MAP2: variants seen among roughly 807,000 people sequenced by gnomAD.
MAP2 encodes the protein microtubule associated protein 2.
Under a neutral mutation model 137.6 loss-of-function variants are expected in MAP2, and 14 were observed. The ratio of observed to expected loss-of-function variants is 0.10; its 90% CI spans 0.07 to 0.16. MAP2 has a LOEUF of 0.16. Among genes scored for constraint, MAP2 ranks in the 10% least tolerant of loss-of-function variants. MAP2 has a pLI of 1.00. For missense variants in MAP2, 2,088 were observed against 2,191.5 expected (o/e 0.95, Z 0.94); for synonymous variants, 786 against 782.3 (o/e 1.00, Z -0.08).
chr2:209,714,978 A>G (rs1042963247), intron 13 of MAP2, among the ~76,000 whole-genome samples: 1 of 152,198 alleles, frequency 6.6e-6, no homozygotes, highest in African/African-American at 2.4e-5. Context: ...TTTCCATGCC[A>G]AAGTTTTTTT....
At chr2:209,467,986 G>A (rs961187003) in intron 1 of MAP2, among the ~76,000 whole-genome samples, 1 of 152,208 alleles carries the variant, frequency 6.6e-6, no homozygotes, top group African/African-American at 2.4e-5. Flanking sequence ...GCAGCAACTG[G>A]TTTATACTTA....
At chr2:209,528,199 C>T (rs569496509) in intron 2 of MAP2, among the ~76,000 whole-genome samples, 1 of 152,100 alleles carries the variant, frequency 6.6e-6, no homozygotes, top group East Asian at 1.9e-4. Context: ...CCTTCATCCC[C>T]CCAAACTTCC....
chr2:209,428,351 G>T lies in MAP2; in HGVS notation c.-222+4075G>T, dbSNP rs1327295898. 3.4e-5 allele frequency among the ~76,000 whole-genome samples: 5 copies of T among 147,342 alleles called. No homozygotes were observed. In the South Asian group the frequency reaches 6.4e-4, roughly 19 times the overall value. On this transcript the variant is annotated intron_variant, in intron 1 of 15. Coordinates refer to ENST00000682079, the MANE Select transcript of MAP2 (RefSeq NM_001375505.1). ...GAAAGTTTTAGACAGTTTGTTTTCC[G>T]TTAAAACACACACTAGAGGGGGCAA...
intron 5 of MAP2, among the ~76,000 whole-genome samples, chr2:209,677,916 T>G (rs2052689595): frequency 6.6e-6 from 1 of 152,010 alleles, no homozygotes; most frequent in Admixed American, 6.6e-5. Flanking sequence ...TCCAGATTCC[T>G]TATAATTTAT....
chr2:209,555,282 T>C (rs962034965), intron 2 of MAP2, among the ~76,000 whole-genome samples: 3 of 152,346 alleles, frequency 2.0e-5, no homozygotes, highest in East Asian at 3.9e-4. Flanking sequence ...AAGGATTTAT[T>C]ACACTTAAAA....
intron 1 of MAP2, among the ~76,000 whole-genome samples, chr2:209,429,401 C>T (rs921877574): frequency 2.0e-5 from 3 of 150,480 alleles, no homozygotes; most frequent in African/African-American, 7.4e-5. Flanking sequence ...TTTTTAACAA[C>T]TAGTAAAGTT....
chr2:209,498,575 C>T (rs2150084256), intron 1 of MAP2, among the ~76,000 whole-genome samples: 1 of 152,368 alleles, frequency 6.6e-6, no homozygotes, highest in African/African-American at 2.4e-5. Context: ...CAGGCTTCTG[C>T]CTGGGCATCC....
At chr2:209,648,855 G>C (rs574144310) in intron 4 of MAP2, among the ~76,000 whole-genome samples, 2 of 151,606 alleles carry the variant, frequency 1.3e-5, no homozygotes, top group South Asian at 4.2e-4. Context: ...ATCAAAGCTG[G>C]GATTGTGTGG....
intron 3 of MAP2, among the ~76,000 whole-genome samples, chr2:209,587,492 CAG>C (rs994996682): frequency 1.3e-5 from 2 of 152,048 alleles, no homozygotes; most frequent in African/African-American, 4.8e-5. Context: ...TGTAGACAAT[CAG>C]AGTGTTCAGA....
At chr2:209,603,668 C>T (rs1017948877) in intron 3 of MAP2, among the ~76,000 whole-genome samples, 2 of 152,230 alleles carry the variant, frequency 1.3e-5, no homozygotes, top group African/African-American at 2.4e-5. Flanking sequence ...TTTATACCCG[C>T]CTTTCTTGAC....
At chr2:209,510,483 T>G (rs1186048167) in intron 2 of MAP2, among the ~76,000 whole-genome samples, 2 of 152,056 alleles carry the variant, frequency 1.3e-5, no homozygotes, top group Non-Finnish European at 2.9e-5. Context: ...GATTATGTAG[T>G]GTAAAGAAAT....
At chr2:209,505,224 C>T (rs1435910680) in intron 1 of MAP2, among the ~76,000 whole-genome samples, 1 of 152,132 alleles carries the variant, frequency 6.6e-6, no homozygotes, top group Non-Finnish European at 1.5e-5. Context: ...ATCCTCTAGG[C>T]CAAAAGATGT....
intron 1 of MAP2, among the ~76,000 whole-genome samples, chr2:209,500,018 CA>C (rs1206913707): frequency 6.6e-6 from 1 of 152,156 alleles, no homozygotes; most frequent in African/African-American, 2.4e-5. Context: ...CATATCCATG[CA>C]ATAGTTGTAA....
At position 209,732,496 on chromosome 2, in the gene MAP2, AC is replaced by A. The variant is rs2075901938; in HGVS notation, c.*2101del. ...ATTAATTGCTGTGAGGTTTGATTTG[AC>A]CAATCTGGGCAATTTATTCATCAGC... On this transcript the variant is annotated 3_prime_UTR_variant, in exon 16 of 16. Transcript: ENST00000682079. 1 of 152,234 alleles carries A rather than the reference AC, an allele frequency of 6.6e-6. No homozygotes were observed. The highest frequency in any genetic ancestry group is 2.4e-5 in the African/African-American group (1 of 41,466). 9.4% of individuals were successfully genotyped at this position (152,234 alleles called of 1,614,324 possible). A position where few individuals can be genotyped will look rare whatever the true frequency, so the allele number is the denominator to read the frequency against.
intron 1 of MAP2, among the ~76,000 whole-genome samples, chr2:209,466,601 G>A (rs1043698196): frequency 1.3e-5 from 2 of 152,136 alleles, no homozygotes; most frequent in African/African-American, 4.8e-5. Context: ...CACAAAGAAA[G>A]TAGAACTTTG....
chr2:209,644,962 G>A (rs1001522911), intron 4 of MAP2, among the ~76,000 whole-genome samples: 1 of 152,138 alleles, frequency 6.6e-6, no homozygotes, highest in Non-Finnish European at 1.5e-5. Flanking sequence ...TGATGGCAGA[G>A]TTGTCAGGGA....
At chr2:209,690,761 G>C in intron 7 of MAP2, 1 of 1,289,808 alleles carries the variant, frequency 7.8e-7, no homozygotes, top group Non-Finnish European at 1.0e-6. Flanking sequence ...CGAAGAGAGT[G>C]CCCCAGCAGG....
chr2:209,658,138 A>G lies in MAP2; in HGVS notation c.262+4706A>G, dbSNP rs1282335260. Among the ~76,000 whole-genome samples, 3 of 152,192 alleles carry G rather than the reference A, an allele frequency of 2.0e-5. No individual in the cohort carries two copies. In the East Asian group the frequency reaches 5.8e-4, roughly 29 times the overall value. The stretch of plus-strand genomic sequence containing the variant: ...GTATTAGAACTTGTATCAAGATCTT[A>G]TAAAAGGGCAAAAGGGATTATTTGT... On this transcript the variant is annotated intron_variant, in intron 5 of 15. Coordinates refer to ENST00000682079, the MANE Select transcript of MAP2 (RefSeq NM_001375505.1).
At chr2:209,703,935 T>C (rs1240991466) in intron 11 of MAP2, 1 of 454,152 alleles carries the variant, frequency 2.2e-6, no homozygotes, top group Non-Finnish European at 4.4e-6. Flanking sequence ...TGGTTTAGCA[T>C]TATTTTTGTG....
Sources: gnomAD v4.1 joint callset for allele counts (sites outside exome capture counted in the v4.1 genomes callset) on GRCh38, gnomAD v4.1.1 for gene constraint, MANE v1.5 for transcripts, NCBI Gene and HGNC (gene_info 2026-07-23, HGNC 2026-07-21) for gene names.